The following SEMA5B variants were observed in gnomAD, a reference collection of about 807,000 sequenced individuals.
SEMA5B encodes semaphorin-5B.
In SEMA5B, 66 loss-of-function variants were observed where a neutral mutation model predicts 135.0. The observed-to-expected ratio is 0.49, with a 90% confidence interval of 0.40 to 0.60. The LOEUF (loss-of-function observed/expected upper bound fraction) is 0.60. SEMA5B is among the 20% of genes least tolerant of loss of function. The probability of loss-of-function intolerance (pLI) is 0.00; values close to 1 mark genes in which losing one functional copy is unlikely to be tolerated. For missense variants in SEMA5B, 1,501 were observed against 1,566.3 expected (o/e 0.96, Z 0.70); for synonymous variants, 690 against 639.5 (o/e 1.08, Z -1.19).
In SEMA5B at chr3:122,912,931, C is replaced by T. The variant is rs374625797; in HGVS notation, c.2637G>A (p.Thr879=). ...CELGFRVRKR[T]CTNPEPRNGG... ...CGTTGCGGGGCTCCGGGTTAGTGCA[C>T]GTTCTCTTGCGGACGCGGAAGCCCA... Residue 879 remains threonine, a synonymous_variant, in exon 18 of 23, where the codon ACG becomes ACA. Transcript: ENST00000357599. The T allele has an allele frequency of 6.2e-6, 10 of 1,612,714 alleles. No homozygotes were observed. Among genetic ancestry groups the T allele is most frequent in the Admixed American group, 1.7e-5 (1 of 59,892 alleles).
intron 9 of SEMA5B, among the ~76,000 whole-genome samples, chr3:122,925,713 T>C (rs1163480006): frequency 1.3e-5 from 2 of 152,162 alleles, no homozygotes; most frequent in Middle Eastern, 6.8e-3. Flanking sequence ...AAAAAAAGTA[T>C]CGTAAAGTTT....
intron 1 of SEMA5B, among the ~76,000 whole-genome samples, chr3:122,968,924 C>A (rs1343458911): frequency 3.3e-5 from 5 of 152,210 alleles, no homozygotes; most frequent in Non-Finnish European, 5.9e-5. Flanking sequence ...ATCTTCTGTT[C>A]ACTTACCAAT....
chr3:122,976,267 C>G (rs1941317630), intron 1 of SEMA5B: 2 of 1,056,480 alleles, frequency 1.9e-6, no homozygotes, highest in Non-Finnish European at 2.7e-6. Flanking sequence ...GGCCTCACCC[C>G]AGACCTACTA....
chr3:123,014,577 G>A (rs1185060948), intron 1 of SEMA5B, among the ~76,000 whole-genome samples: 1 of 152,196 alleles, frequency 6.6e-6, no homozygotes, highest in African/African-American at 2.4e-5. Flanking sequence ...GCAGGGAAGT[G>A]TCCAGGGGCC....
At chr3:123,001,650 T>C (rs1424763698) in intron 1 of SEMA5B, among the ~76,000 whole-genome samples, 1 of 152,176 alleles carries the variant, frequency 6.6e-6, no homozygotes, top group Non-Finnish European at 1.5e-5. Context: ...AGAATGCACT[T>C]AGACAACATG....
chr3:123,013,712 G>C (rs893079698), intron 1 of SEMA5B, among the ~76,000 whole-genome samples: 1 of 152,180 alleles, frequency 6.6e-6, no homozygotes, highest in African/African-American at 2.4e-5. Flanking sequence ...AATCTAGCCA[G>C]ATTCACGCAT....
At chr3:122,931,423 T>A (rs1272512718) in intron 5 of SEMA5B, among the ~76,000 whole-genome samples, 1 of 152,334 alleles carries the variant, frequency 6.6e-6, no homozygotes, top group East Asian at 1.9e-4. Flanking sequence ...CAGATTTCAC[T>A]GAATATATGG....
At chr3:122,912,113 CT>C (rs1314972353) in intron 19 of SEMA5B, 44 bp from the exon 20 acceptor site, 2 of 1,592,248 alleles carry the variant, frequency 1.3e-6, no homozygotes, top group South Asian at 1.1e-5. Flanking sequence ...CAGGGACCCC[CT>C]GGTGGGGATC....
Position 122,913,387 on chromosome 3 carries a change from A to T in SEMA5B, c.2318T>A (p.Val773Glu). Residue 773 changes from valine (V) to glutamate (E), a missense_variant, in exon 17 of 23, where the codon GTG becomes GAG. Val to Glu is a moderately radical substitution (Grantham distance 121). Around this residue, in one of 2 missense-constraint regions of SEMA5B, gnomAD observed 927 missense variants for 881.6 expected, o/e 1.05. Coordinates refer to ENST00000357599, the MANE Select transcript of SEMA5B (RefSeq NM_001031702.4). Reference sequence around the variant, plus strand: ...CGGCGTCCAGGGGGTGTTGCGCCGCACTTCGGGGCAGCCCTCGGGGTTGCA... The same window carrying T: ...CGGCGTCCAGGGGGTGTTGCGCCGCTCTTCGGGGCAGCCCTCGGGGTTGCA... ...KTCNPEGCPE[V>E]RRNTPWTPWL... The T allele has an allele frequency of 6.3e-7, 1 of 1,578,006 alleles. No individual in the cohort carries two copies. Among genetic ancestry groups the T allele is most frequent in the Non-Finnish European group, 8.6e-7 (1 of 1,166,824 alleles).
chr3:122,996,818 C>T (rs1294839497), intron 1 of SEMA5B, among the ~76,000 whole-genome samples: 5 of 152,162 alleles, frequency 3.3e-5, no homozygotes, highest in African/African-American at 1.2e-4. Context: ...AGCGTTCGAC[C>T]TGCCCAGCCC....
intron 1 of SEMA5B, among the ~76,000 whole-genome samples, chr3:123,016,827 T>C (rs993274783): frequency 1.2e-4 from 18 of 151,862 alleles, no homozygotes; most frequent in Non-Finnish European, 2.4e-4. Context: ...AGTGATTCTC[T>C]GGCTTCAGCC....
intron 1 of SEMA5B, among the ~76,000 whole-genome samples, chr3:122,969,753 T>C (rs1356384615): frequency 1.3e-5 from 2 of 152,152 alleles, no homozygotes; most frequent in African/African-American, 4.8e-5. Flanking sequence ...AAGTCACTGC[T>C]TATTAGTTTG....
rs182601066 is a variant in SEMA5B, at chr3:123,009,786, G to C, written c.-39+17678C>G. On this transcript the variant is annotated intron_variant, in intron 1 of 22. Coordinates refer to ENST00000357599, the MANE Select transcript of SEMA5B (RefSeq NM_001031702.4). ...AGGCTTAGAAAGAAAGATATAGGAG[G>C]GGAAAACTGGGATGTCTCATGGCTT... is the stretch of plus-strand genomic sequence containing the variant. Among the ~76,000 whole-genome samples the C allele has an allele frequency of 4.6e-5, 7 of 152,294 alleles. No homozygotes were observed. In the East Asian group the frequency reaches 1.4e-3, roughly 29 times the overall value.
At chr3:123,011,578 G>A (rs1942439125) in intron 1 of SEMA5B, among the ~76,000 whole-genome samples, 1 of 152,220 alleles carries the variant, frequency 6.6e-6, no homozygotes, top group Non-Finnish European at 1.5e-5. Flanking sequence ...CTGGGCCTCT[G>A]TGAAATGAAG....
At chr3:122,956,245 C>T (rs62261759) in intron 2 of SEMA5B, among the ~76,000 whole-genome samples, 14,983 of 152,294 alleles carry the variant, frequency 0.098, 839 homozygotes, top group South Asian at 0.13. Context: ...CCTTCTCTCA[C>T]GCTGCTGTCC....
intron 10 of SEMA5B, among the ~76,000 whole-genome samples, chr3:122,923,165 G>A (rs1176338599): frequency 6.6e-6 from 1 of 152,174 alleles, no homozygotes. Context: ...CATGGGGATG[G>A]GGGATACTCA....
intron 1 of SEMA5B, among the ~76,000 whole-genome samples, chr3:122,984,884 G>T (rs1941646404): frequency 6.6e-6 from 1 of 151,910 alleles, no homozygotes; most frequent in Admixed American, 6.5e-5. Context: ...AAAATCACAG[G>T]GGAAAAAAAT....
In SEMA5B at chr3:122,913,274, C is replaced by G. The variant is rs553955053; in HGVS notation, c.2431G>C (p.Gly811Arg). 1.7e-5 allele frequency: 27 copies of G among 1,584,298 alleles called. No homozygotes were observed. The African/African-American group carries it at 3.3e-4, about 20-fold the overall frequency. Residue 811 changes from glycine to arginine, a missense_variant, in exon 17 of 23, where the codon GGC becomes CGC. Physicochemically the swap from Gly to Arg is moderately radical, Grantham distance 125. Transcript: ENST00000357599. ...GTCCTTCTCCTGCCGAACTGCAGGCCGTGCGGGTCTGCAAGGGGCGCGCGG... is the reference window on the plus strand; with the variant it reads ...GTCCTTCTCCTGCCGAACTGCAGGCGGTGCGGGTCTGCAAGGGGCGCGCGG... ...TCRAPLADPH[G>R]LQFGRRRTET...
At chr3:122,987,309 A>G (rs1296850702) in intron 1 of SEMA5B, among the ~76,000 whole-genome samples, 1 of 152,198 alleles carries the variant, frequency 6.6e-6, no homozygotes, top group African/African-American at 2.4e-5. Flanking sequence ...CAGGGACAAA[A>G]GTTCTACTTC....
Sources: allele counts gnomAD v4.1 joint callset (sites outside exome capture counted in the v4.1 genomes callset), GRCh38; gene constraint gnomAD v4.1.1; regional missense constraint gnomAD v4.1.1; transcripts MANE v1.5; gene names NCBI Gene and HGNC (gene_info 2026-07-23, HGNC 2026-07-21).